MCTP1: variants seen among roughly 807,000 people sequenced by gnomAD.
MCTP1 encodes the protein multiple C2 and transmembrane domain-containing protein 1.
Under a neutral mutation model 120.6 loss-of-function variants are expected in MCTP1, and 69 were observed. The ratio of observed to expected loss-of-function variants is 0.57; its 90% CI spans 0.47 to 0.70. The LOEUF (loss-of-function observed/expected upper bound fraction) is 0.70, where lower values mean the gene tolerates loss of function less well. Ranked by LOEUF, MCTP1 falls within the 30% of genes least tolerant of loss-of-function variation. The pLI is 0.00. For missense variants in MCTP1, 1,203 were observed against 1,248.8 expected, an observed-to-expected ratio of 0.96 and a Z score of 0.55; for synonymous variants, 529 against 493.1, an observed-to-expected ratio of 1.07 and a Z score of -0.96.
At chr5:95,222,503 A>T (rs1456963965) in intron 1 of MCTP1, among the ~76,000 whole-genome samples, 1 of 152,250 alleles carries the variant, frequency 6.6e-6, no homozygotes, top group Non-Finnish European at 1.5e-5. Flanking sequence ...TTGATACCTA[A>T]TTGTTTATTC....
chr5:95,054,933 G>A (rs187948210), intron 1 of MCTP1, among the ~76,000 whole-genome samples: 4 of 152,078 alleles, frequency 2.6e-5, no homozygotes, highest in East Asian at 3.9e-4. Context: ...TCAGCCTCCC[G>A]AGTAGCTGGG....
rs1186599283 is a variant in MCTP1 at position 94,909,262 on chromosome 5, A to G, written c.1641T>C (p.Asp547=). 3.7e-6 allele frequency: 6 copies of G among 1,612,280 alleles called. No individual in the cohort carries two copies. In the South Asian group the frequency reaches 6.6e-5, roughly 18 times the overall value. The change falls in exon 10 of 23, where the codon GAT becomes GAC. Residue 547 remains aspartate (D), a synonymous_variant. Transcript: ENST00000515393. ...CAAATTGCACAAACCTGCCAATGAAATCATCCCTTTTCCCAGCATCTTTGT... is the reference window on the plus strand; with the variant it reads ...CAAATTGCACAAACCTGCCAATGAAGTCATCCCTTTTCCCAGCATCTTTGT... ...AWDKDAGKRD[D]FIGRCQVDLS...
chr5:94,879,657 A>G (rs1266292687), intron 12 of MCTP1, among the ~76,000 whole-genome samples: 1 of 152,170 alleles, frequency 6.6e-6, no homozygotes, highest in Non-Finnish European at 1.5e-5. Flanking sequence ...ATGACCTGTT[A>G]ACATTGGAGT....
chr5:95,277,615 G>A (rs1351304183), intron 1 of MCTP1, among the ~76,000 whole-genome samples: 2 of 152,124 alleles, frequency 1.3e-5, no homozygotes, highest in South Asian at 4.1e-4. Flanking sequence ...ATTGTACTAG[G>A]GATTGCCAAA....
intron 1 of MCTP1, among the ~76,000 whole-genome samples, chr5:95,076,036 G>A (rs1753467761): frequency 6.6e-6 from 1 of 152,118 alleles, no homozygotes; most frequent in Non-Finnish European, 1.5e-5. Context: ...CCCAGTGGAC[G>A]CCTGAAACAG....
chr5:95,196,692 G>A (rs1283367179), intron 1 of MCTP1, among the ~76,000 whole-genome samples: 1 of 152,190 alleles, frequency 6.6e-6, no homozygotes, highest in African/African-American at 2.4e-5. Context: ...GCCTTAACAG[G>A]AGCAGTTTGG....
intron 1 of MCTP1, among the ~76,000 whole-genome samples, chr5:95,061,592 C>A (rs1463074162): frequency 1.3e-5 from 2 of 150,728 alleles, no homozygotes; most frequent in Admixed American, 6.6e-5. Flanking sequence ...CCCGCCACTA[C>A]GCCCGGCTAA....
intron 1 of MCTP1, among the ~76,000 whole-genome samples, chr5:95,270,005 G>A (rs1430168314): frequency 6.6e-6 from 1 of 152,162 alleles, no homozygotes; most frequent in Non-Finnish European, 1.5e-5. Flanking sequence ...AAAGCAGAAT[G>A]ACAGAAATAA....
chr5:94,814,288 T>C (rs893433010), intron 17 of MCTP1, among the ~76,000 whole-genome samples: 5 of 152,140 alleles, frequency 3.3e-5, no homozygotes, highest in African/African-American at 4.8e-5. Context: ...TAAATTCCAA[T>C]ACAAATAACT....
At chr5:95,045,519 C>T (rs13181869) in intron 1 of MCTP1, among the ~76,000 whole-genome samples, 3 of 151,986 alleles carry the variant, frequency 2.0e-5, no homozygotes, top group African/African-American at 4.8e-5. Context: ...TAGAGGCCTA[C>T]GGCTTAGAGA....
intron 17 of MCTP1, among the ~76,000 whole-genome samples, chr5:94,831,198 G>A (rs757632179): frequency 6.6e-6 from 1 of 152,168 alleles, no homozygotes; most frequent in Non-Finnish European, 1.5e-5. Flanking sequence ...AAGTTGATAA[G>A]CAGAAATGCC....
intron 1 of MCTP1, chr5:95,081,613 C>T: frequency 7.1e-7 from 1 of 1,398,824 alleles, no homozygotes; most frequent in East Asian, 2.6e-5. Flanking sequence ...CTGCACGGAG[C>T]ACTTGCTGCT....
intron 1 of MCTP1, among the ~76,000 whole-genome samples, chr5:95,061,408 G>GTTTTTTTTTTTTTTTTTTT (rs556663513): frequency 6.0e-5 from 2 of 33,488 alleles, no homozygotes; most frequent in African/African-American, 2.0e-4. Context: ...CCCCTTAAGG[G>GTTTTTTTTTTTTTTTTTTT]TTTTTTTTTT....
chr5:95,165,153 T>C (rs1473987000), intron 1 of MCTP1, among the ~76,000 whole-genome samples: 2 of 152,144 alleles, frequency 1.3e-5, no homozygotes, highest in Admixed American at 1.3e-4. Flanking sequence ...CACCTCTAAA[T>C]AATGAAAAAG....
intron 1 of MCTP1, among the ~76,000 whole-genome samples, chr5:95,250,206 A>T (rs1318836157): frequency 6.6e-6 from 1 of 152,178 alleles, no homozygotes; most frequent in African/African-American, 2.4e-5. Flanking sequence ...GGGCACATTT[A>T]TTTGTAGCCT....
At chr5:94,915,255 T>C (rs1457860519) in intron 8 of MCTP1, among the ~76,000 whole-genome samples, 1 of 152,218 alleles carries the variant, frequency 6.6e-6, no homozygotes, top group African/African-American at 2.4e-5. Context: ...GTTGTGCTCA[T>C]AAATGGTAGA....
intron 17 of MCTP1, among the ~76,000 whole-genome samples, chr5:94,829,449 A>C (rs1788032357): frequency 6.6e-6 from 1 of 152,144 alleles, no homozygotes; most frequent in Admixed American, 6.5e-5. Flanking sequence ...AAATTTTTTA[A>C]AAGGCAAAAC....
chr5:95,063,220 GCATGTTTA>G (rs1231798720), intron 1 of MCTP1, among the ~76,000 whole-genome samples: 1 of 152,188 alleles, frequency 6.6e-6, no homozygotes, highest in Non-Finnish European at 1.5e-5. Context: ...AAAAAAGAAG[GCATGTTTA>G]CATGGTGATC....
At chr5:95,245,297 C>T (rs983506667) in intron 1 of MCTP1, among the ~76,000 whole-genome samples, 2 of 152,268 alleles carry the variant, frequency 1.3e-5, no homozygotes, top group Admixed American at 6.5e-5. Flanking sequence ...TCCTCGCCAG[C>T]AAGGGAACAA....
Sources: gnomAD v4.1 joint callset for allele counts (sites outside exome capture counted in the v4.1 genomes callset) on GRCh38, gnomAD v4.1.1 for gene constraint, MANE v1.5 for transcripts, NCBI Gene and HGNC (gene_info 2026-07-23, HGNC 2026-07-21) for gene names.